CHERP: variants seen among roughly 807,000 people sequenced by gnomAD.
CHERP encodes ERPROT 213-21.
A neutral mutation model predicts 113.8 loss-of-function variants in CHERP; 8 were observed. The observed-to-expected ratio is 0.07, with a 90% CI of 0.04 to 0.13. CHERP has a LOEUF of 0.13. Ranked by LOEUF, CHERP falls within the 10% of genes least tolerant of loss-of-function variation. CHERP has a pLI of 1.00. For missense variants in CHERP, 884 were observed against 1,298.2 expected, an observed-to-expected ratio of 0.68 and a Z score of 4.90; for synonymous variants, 559 against 524.5, an observed-to-expected ratio of 1.07 and a Z score of -0.90.
Position 16,520,248 on chromosome 19 carries a change from C to A in CHERP, c.2363G>T (p.Arg788Leu), listed in dbSNP as rs760459314. 6 of 1,613,306 alleles carry A rather than the reference C, an allele frequency of 3.7e-6. No homozygotes were observed. The highest frequency in any genetic ancestry group is 5.1e-6 in the Non-Finnish European group (6 of 1,180,002). The change falls in exon 15 of 17, where the codon CGC becomes CTC. Residue 788 changes from arginine (R) to leucine (L), a missense_variant. By Grantham distance (102) the Arg-to-Leu change is moderately radical (BLOSUM62 -2). Around this residue, in one of 8 missense-constraint regions of CHERP, gnomAD observed 159 missense variants for 185.8 expected, o/e 0.86. Transcript: ENST00000546361. This position sits in a 1 kb window ranked among gnomAD's most constrained non-coding sequence, Gnocchi z 4.0. ...GGACCGGGAGCGGCTTCTGGAGGAG[C>A]GCGACCTGCTCCGACTTCTGCAGGG... ...RSRSRSRSRSRSSRSRSRSQS... is the reference protein window; with the variant it reads ...RSRSRSRSRSLSSRSRSRSQS...
At chr19:16,524,256 AAAC>A (rs1313937186) in intron 10 of CHERP, among the ~76,000 whole-genome samples, 2 of 150,834 alleles carry the variant, frequency 1.3e-5, no homozygotes, top group South Asian at 2.1e-4. Flanking sequence ...AAAAAACAAC[AAAC>A]AACAACAACA....
chr19:16,524,157 G>T (rs921086972), intron 10 of CHERP, among the ~76,000 whole-genome samples: 2 of 152,108 alleles, frequency 1.3e-5, no homozygotes, highest in South Asian at 4.1e-4. Flanking sequence ...GGCCAAGGTG[G>T]AAGAATCACT....
chr19:16,525,712 G>A lies in CHERP; in HGVS notation c.1306-35C>T, dbSNP rs952400672. On this transcript the variant is annotated intron_variant, in intron 9 of 16. Coordinates refer to ENST00000546361, the MANE Select transcript of CHERP (RefSeq NM_006387.6). This position sits in a 1 kb window ranked among gnomAD's most constrained non-coding sequence, Gnocchi z 6.5. ...AAGGGACAGGCTTGAGCCCTGCGTG[G>A]TCTAGGCCCTAGTGCTCGGCAGCAT... The A allele has an allele frequency of 1.4e-6, 2 of 1,452,386 alleles. No homozygotes were observed. Among genetic ancestry groups the A allele is most frequent in the South Asian group, 1.4e-5 (1 of 72,128 alleles). 90.0% of individuals were successfully genotyped at this position (1,452,386 alleles called of 1,614,324 possible).
chr19:16,520,916 T>G lies in CHERP; in HGVS notation c.2115-4A>C. On this transcript the variant is annotated splice_polypyrimidine_tract_variant and splice_region_variant and intron_variant, in intron 12 of 16. Coordinates refer to ENST00000546361, the MANE Select transcript of CHERP (RefSeq NM_006387.6). This position sits in a 1 kb window ranked among gnomAD's most constrained non-coding sequence, Gnocchi z 4.0. ...GCCGTTCTGCTCCCAGCCTTCACTG[T>G]AAGACACGGCATTCCGTGTGTGACC... 1 of 1,613,336 alleles carries G rather than the reference T, an allele frequency of 6.2e-7. No individual in the cohort carries two copies. Among genetic ancestry groups the G allele is most frequent in the Non-Finnish European group, 8.5e-7 (1 of 1,179,732 alleles).
chr19:16,520,798 C>CG lies in CHERP; in HGVS notation c.2201+27dup, dbSNP rs1859335358. 3 of 1,602,352 alleles carry CG rather than the reference C, an allele frequency of 1.9e-6. No homozygotes were observed. The highest frequency in any genetic ancestry group is 1.3e-5 in the African/African-American group (1 of 74,762). ...TCACAAGCTGTGGACCCTGGCCCCCCGGCCACTGCAGACATCTGCGCTTTT... is the reference window on the plus strand; with the variant it reads ...TCACAAGCTGTGGACCCTGGCCCCCCGGGCCACTGCAGACATCTGCGCTTTT... On this transcript the variant is annotated intron_variant, in intron 13 of 16. Coordinates refer to ENST00000546361, the MANE Select transcript of CHERP (RefSeq NM_006387.6). The surrounding 1 kb of genome is among the most constrained non-coding windows in gnomAD (Gnocchi z 4.0).
Position 16,525,102 on chromosome 19 carries a change from C to A in CHERP, c.1741+140G>T. ...CCACTTCCTGAGAACCCAGGCCGGG[C>A]TCCTCGGACGTCCCATGACCCTGTG... On this transcript the variant is annotated intron_variant, in intron 10 of 16. Transcript: ENST00000546361. This position sits in a 1 kb window ranked among gnomAD's most constrained non-coding sequence, Gnocchi z 6.5. 1 of 806,018 alleles carries A rather than the reference C, an allele frequency of 1.2e-6. No homozygotes were observed. The highest frequency in any genetic ancestry group is 1.8e-5 in the African/African-American group (1 of 55,592). 49.9% of individuals were successfully genotyped at this position (806,018 alleles called of 1,614,324 possible). A position where few individuals can be genotyped will look rare whatever the true frequency, so the allele number is the denominator to read the frequency against.
chr19:16,522,274 T>G (rs1283700113), intron 11 of CHERP, among the ~76,000 whole-genome samples: 1 of 152,038 alleles, frequency 6.6e-6, no homozygotes, highest in Non-Finnish European at 1.5e-5. Context: ...CCCCTTTTTT[T>G]TTTTGAGACG....
chr19:16,541,662 CG>C lies in CHERP; in HGVS notation c.199+207del, dbSNP rs1310606706. On this transcript the variant is annotated intron_variant, in intron 2 of 16. Coordinates refer to ENST00000546361, the MANE Select transcript of CHERP (RefSeq NM_006387.6). ...TGATCCAGAGCCCAGGGGGGAGGAT[CG>C]AAAACCTCGTTGTTCTCCATTACAG... The C allele has an allele frequency of 5.8e-6, 3 of 513,514 alleles. No individual in the cohort carries two copies. In the East Asian group the frequency reaches 1.0e-4, roughly 17 times the overall value. 31.8% of individuals were successfully genotyped at this position (513,514 alleles called of 1,614,324 possible). A position where few individuals can be genotyped will look rare whatever the true frequency, so the allele number is the denominator to read the frequency against.
chr19:16,525,358 T>A lies in CHERP; in HGVS notation c.1625A>T (p.His542Leu). The A allele has an allele frequency of 6.7e-7, 1 of 1,487,836 alleles. No individual in the cohort carries two copies. The highest frequency in any genetic ancestry group is 8.9e-7 in the Non-Finnish European group (1 of 1,118,946). The allele number at this position is 1,487,836 out of a possible 1,614,324, so 92.2% of individuals were successfully genotyped here. A position where few individuals can be genotyped will look rare whatever the true frequency, so the allele number is the denominator to read the frequency against. ...HPQFNQPPHPHNFNRFPPRFM... is the reference protein window; with the variant it reads ...HPQFNQPPHPLNFNRFPPRFM... ...GCGGGGCGGGAAGCGGTTGAAGTTG[T>A]GGGGGTGCGGAGGCTGGTTGAACTG... The change falls in exon 10 of 17, where the codon CAC becomes CTC. Residue 542 changes from histidine to leucine, a missense_variant. His to Leu is a moderately conservative substitution (Grantham distance 99, BLOSUM62 -3). Around this residue, in one of 8 missense-constraint regions of CHERP, gnomAD observed 464 missense variants for 590.1 expected, o/e 0.79. Transcript: ENST00000546361. The surrounding 1 kb of genome is among the most constrained non-coding windows in gnomAD (Gnocchi z 6.5).
At chr19:16,529,216 C>T (rs1349052307) in intron 8 of CHERP, among the ~76,000 whole-genome samples, 1 of 152,138 alleles carries the variant, frequency 6.6e-6, no homozygotes, top group African/African-American at 2.4e-5. Flanking sequence ...CGGGGTTTCA[C>T]CATGTTGCCC....
rs201274229 is a variant in CHERP, at chr19:16,519,284, C to T, written c.2626G>A (p.Val876Ile). The T allele has an allele frequency of 3.0e-5, 49 of 1,613,926 alleles. No individual in the cohort carries two copies. Among genetic ancestry groups the T allele is most frequent in the African/African-American group, 6.7e-5 (5 of 74,932 alleles). Reference sequence around the variant, plus strand: ...TTATACTGGTCCCACTTATCCCGGACGTCCCCGCCCTTGATGGGGTCCTGG... The same window carrying T: ...TTATACTGGTCCCACTTATCCCGGATGTCCCCGCCCTTGATGGGGTCCTGG... Reference protein sequence around the residue: ...GIQDPIKGGDVRDKWDQYKGV... With the variant: ...GIQDPIKGGDIRDKWDQYKGV... Residue 876 changes from valine to isoleucine, a missense_variant, in exon 17 of 17, where the codon GTC (valine) becomes ATC (isoleucine). Physicochemically the swap from Val to Ile is conservative, Grantham distance 29 (BLOSUM62 3). Coordinates refer to ENST00000546361, the MANE Select transcript of CHERP (RefSeq NM_006387.6). This position sits in a 1 kb window ranked among gnomAD's most constrained non-coding sequence, Gnocchi z 6.0.
At chr19:16,529,525 C>T in intron 8 of CHERP, 123 bp downstream of exon 8, 1 of 1,232,438 alleles carries the variant, frequency 8.1e-7, no homozygotes, top group Non-Finnish European at 1.1e-6. Flanking sequence ...GGCCTAGGAG[C>T]AGGCCTGGGA....
At position 16,523,018 on chromosome 19, in the gene CHERP, C is replaced by T. The variant is rs766830505; in HGVS notation, c.1980+34G>A. ...GAGAAACGGGGACCAGTATGGTAAGCGTGCTCAGCTTGGAGCCCACTGTGG... is the reference window on the plus strand; with the variant it reads ...GAGAAACGGGGACCAGTATGGTAAGTGTGCTCAGCTTGGAGCCCACTGTGG... On this transcript the variant is annotated intron_variant, in intron 11 of 16. Coordinates refer to ENST00000546361, the MANE Select transcript of CHERP (RefSeq NM_006387.6). The surrounding 1 kb of genome is among the most constrained non-coding windows in gnomAD (Gnocchi z 4.0). The T allele has an allele frequency of 1.4e-4, 206 of 1,490,866 alleles. No homozygotes were observed. The highest frequency in any genetic ancestry group is 1.7e-4 in the Non-Finnish European group (191 of 1,123,632). 92.4% of individuals were successfully genotyped at this position (1,490,866 alleles called of 1,614,324 possible).
In CHERP at chr19:16,542,361, G is replaced by C; in HGVS notation, c.18C>G (p.Pro6=). ...GGCCGGTTTGGGTCTCACCATCGGG[G>C]GGCAGCGGCATCTCCATGGCTCCGG... MEMPL[P]PDDQELRNVI... Residue 6 remains proline, a synonymous_variant, in exon 1 of 17, where the codon CCC becomes CCG. Transcript: ENST00000546361. The C allele has an allele frequency of 7.2e-7, 1 of 1,395,066 alleles. No individual in the cohort carries two copies. 86.4% of individuals were successfully genotyped at this position (1,395,066 alleles called of 1,614,324 possible).
At chr19:16,527,232 C>T (rs1328576801) in intron 9 of CHERP, among the ~76,000 whole-genome samples, 3 of 150,790 alleles carry the variant, frequency 2.0e-5, no homozygotes, top group South Asian at 2.1e-4. Context: ...ACAAGAACTG[C>T]CCCCCCCAGC....
At position 16,520,204 on chromosome 19, in the gene CHERP, T is replaced by C; in HGVS notation, c.2407A>G (p.Lys803Glu). ...CGTCTTCTTCCTGGGGAGTACGACT[T>C]GGACCGGGACCGCGACTGGGACCGG... Reference protein sequence around the residue: ...RSRSQSRSRSKSYSPGRRRRS... With the variant: ...RSRSQSRSRSESYSPGRRRRS... Residue 803 changes from lysine (K) to glutamate (E), a missense_variant, in exon 15 of 17, where the codon AAG (lysine) becomes GAG (glutamate). Around this residue, in one of 8 missense-constraint regions of CHERP, gnomAD observed 159 missense variants for 185.8 expected, o/e 0.86. Transcript: ENST00000546361. This position sits in a 1 kb window ranked among gnomAD's most constrained non-coding sequence, Gnocchi z 4.0. 6.2e-7 allele frequency: 1 copy of C among 1,613,306 alleles called. No homozygotes were observed. The highest frequency in any genetic ancestry group is 8.5e-7 in the Non-Finnish European group (1 of 1,180,002).
Position 16,520,047 on chromosome 19 carries a change from G to A in CHERP, c.2462+102C>T, listed in dbSNP as rs886436526. 6 of 1,221,242 alleles carry A rather than the reference G, an allele frequency of 4.9e-6. No homozygotes were observed. The highest frequency in any genetic ancestry group is 4.5e-5 in the African/African-American group (3 of 66,746). 75.7% of individuals were successfully genotyped at this position (1,221,242 alleles called of 1,614,324 possible). ...CCACTGTCCCCGGGCTAATGCTGGC[G>A]GCCTCCTAACACAGTCTCCTAACCA... On this transcript the variant is annotated intron_variant, in intron 15 of 16. Coordinates refer to ENST00000546361, the MANE Select transcript of CHERP (RefSeq NM_006387.6). This position sits in a 1 kb window ranked among gnomAD's most constrained non-coding sequence, Gnocchi z 4.0.
intron 9 of CHERP, among the ~76,000 whole-genome samples, chr19:16,526,892 G>C (rs2085661013): frequency 6.6e-6 from 1 of 152,170 alleles, no homozygotes; most frequent in African/African-American, 2.4e-5. Flanking sequence ...CCACTGTGTA[G>C]CTGGGACGAC....
intron 11 of CHERP, 78 bp downstream of exon 11, chr19:16,522,974 T>C (rs2085630623): frequency 6.9e-7 from 1 of 1,451,780 alleles, no homozygotes; most frequent in Non-Finnish European, 9.1e-7. Context: ...CCCGGTCCCG[T>C]GCATTCACTT....
Sources: allele counts gnomAD v4.1 joint callset (sites outside exome capture counted in the v4.1 genomes callset), GRCh38; gene constraint gnomAD v4.1.1; regional missense constraint gnomAD v4.1.1; non-coding constraint Gnocchi (gnomAD v3.1); transcripts MANE v1.5; gene names NCBI Gene and HGNC (gene_info 2026-07-23, HGNC 2026-07-21).